ABCA5: variants seen among roughly 807,000 people sequenced by gnomAD.
The protein encoded by ABCA5 is ATP binding cassette subfamily A member 5.
ABCA5 carries 163 observed loss-of-function variants against 206.0 expected under a neutral mutation model. The observed-to-expected ratio is 0.79, with a 90% CI of 0.70 to 0.90. ABCA5 has a LOEUF of 0.90. Among genes scored for constraint, ABCA5 ranks in the 40% least tolerant of loss-of-function variants. The probability of loss-of-function intolerance (pLI) is 0.00; values close to 1 mark genes in which losing one functional copy is unlikely to be tolerated. For missense variants in ABCA5, 1,859 were observed against 1,912.9 expected (o/e 0.97, Z 0.53); for synonymous variants, 609 against 613.8 (o/e 0.99, Z 0.11).
intron 3 of ABCA5, among the ~76,000 whole-genome samples, chr17:69,311,412 T>A (rs377563591): frequency 6.6e-6 from 1 of 152,154 alleles, no homozygotes; most frequent in Non-Finnish European, 1.5e-5. Flanking sequence ...TCTAAAAAAA[T>A]TTGTGTATAT....
chr17:69,251,966 AAACTTACC>A (rs771305133), intron 34 of ABCA5, 100 bp from the exon 35 acceptor site: 16 of 1,305,152 alleles, frequency 1.2e-5, no homozygotes, highest in Non-Finnish European at 1.7e-5. Flanking sequence ...AAGTTAATTA[AAACTTACC>A]AAATATCAAT....
At chr17:69,291,158 T>C in intron 12 of ABCA5, 58 bp downstream of exon 12, 1 of 1,139,190 alleles carries the variant, frequency 8.8e-7, no homozygotes, top group East Asian at 2.8e-5. Context: ...AATTATTCAA[T>C]ACACATTTAA....
rs780208867 is a variant in ABCA5, at chr17:69,255,786, G to A, written c.3923C>T (p.Ser1308Leu). The change falls in exon 30 of 39, where the codon TCA becomes TTA. Residue 1308 changes from serine (S) to leucine (L), a missense_variant. Coordinates refer to ENST00000392676, the MANE Select transcript of ABCA5 (RefSeq NM_172232.4). The part of the protein sequence containing the change: ...EYDDKKDFLL[S>L]RKVKKVATKY... The stretch of plus-strand genomic sequence containing the variant: ...AGTTGCCACTTTCTTTACTTTTCTT[G>A]AAAGAAGAAAATCTTTCTTGTCATC... The A allele has an allele frequency of 1.3e-6, 2 of 1,597,226 alleles. No homozygotes were observed. The highest frequency in any genetic ancestry group is 1.8e-5 in the Admixed American group (1 of 56,468).
At chr17:69,273,167 T>C (rs941494920) in intron 20 of ABCA5, among the ~76,000 whole-genome samples, 1 of 152,088 alleles carries the variant, frequency 6.6e-6, no homozygotes, top group Non-Finnish European at 1.5e-5. Flanking sequence ...AAAATATCCA[T>C]TACAAATCTA....
intron 18 of ABCA5, among the ~76,000 whole-genome samples, chr17:69,279,109 G>A (rs1397418462): frequency 6.6e-6 from 1 of 151,470 alleles, no homozygotes; most frequent in Non-Finnish European, 1.5e-5. Context: ...CCTGTTTGCA[G>A]ATGACATGAT....
chr17:69,260,757 T>C (rs2075137680), intron 26 of ABCA5, among the ~76,000 whole-genome samples: 1 of 151,892 alleles, frequency 6.6e-6, no homozygotes, highest in Non-Finnish European at 1.5e-5. Flanking sequence ...CAATCTGGTT[T>C]TTGTCTCTAT....
At chr17:69,279,099 CCT>C (rs1361280168) in intron 18 of ABCA5, among the ~76,000 whole-genome samples, 1 of 151,726 alleles carries the variant, frequency 6.6e-6, no homozygotes, top group African/African-American at 2.4e-5. Flanking sequence ...TCAAATTGTC[CCT>C]GTTTGCAGAT....
chr17:69,315,228 A>C (rs1302841269), intron 1 of ABCA5: 1 of 152,274 alleles, frequency 6.6e-6, no homozygotes, highest in East Asian at 1.9e-4. Context: ...AGGCTTGAGA[A>C]ACTGAACTAA....
intron 32 of ABCA5, 145 bp downstream of exon 32, chr17:69,254,170 T>C: frequency 1.5e-6 from 1 of 689,314 alleles, no homozygotes; most frequent in Non-Finnish European, 2.3e-6. Flanking sequence ...TATATTTTCA[T>C]ATATCATAAA....
intron 11 of ABCA5, 96 bp downstream of exon 11, chr17:69,294,559 C>A: frequency 9.5e-7 from 1 of 1,056,770 alleles, no homozygotes. Context: ...GACAGAAAAT[C>A]ATGGTAGAGA....
In ABCA5 at chr17:69,294,695, C is replaced by A. The variant is rs1181727734; in HGVS notation, c.1455G>T (p.Lys485Asn). 1 of 1,604,010 alleles carries A rather than the reference C, an allele frequency of 6.2e-7. No homozygotes were observed. The highest frequency in any genetic ancestry group is 8.5e-7 in the Non-Finnish European group (1 of 1,173,058). The change falls in exon 11 of 39, where the codon AAG (lysine) becomes AAT (asparagine). Residue 485 changes from lysine to asparagine, a missense_variant. Physicochemically the swap from Lys to Asn is moderately conservative, Grantham distance 94. Transcript: ENST00000392676. ...CATTTTCACCCTTCTTTCTGTATGTCTTCTGAATACCACTAATTCTGAAAT... is the reference window on the plus strand; with the variant it reads ...CATTTTCACCCTTCTTTCTGTATGTATTCTGAATACCACTAATTCTGAAAT... The part of the protein sequence containing the change: ...KEAIRISGIQ[K>N]TYRKKGENVE...
chr17:69,249,661 A>G (rs1278223174), intron 37 of ABCA5: 4 of 446,512 alleles, frequency 9.0e-6, no homozygotes, highest in Admixed American at 4.1e-5. Flanking sequence ...AATCCCTATG[A>G]CATTAGTGTT....
intron 1 of ABCA5, among the ~76,000 whole-genome samples, chr17:69,320,482 T>C (rs2075854861): frequency 6.6e-6 from 1 of 152,156 alleles, no homozygotes; most frequent in African/African-American, 2.4e-5. Context: ...TCTAATCATA[T>C]GAAAATATTA....
At position 69,268,073 on chromosome 17, in the gene ABCA5, G is replaced by T; in HGVS notation, c.3031-17C>A. ...AGTAATTTCCTGAAAGACAACCACA[G>T]AGTAACAAATGGAACTGAGAATCAT... On this transcript the variant is annotated splice_polypyrimidine_tract_variant and intron_variant, in intron 22 of 38. Coordinates refer to ENST00000392676, the MANE Select transcript of ABCA5 (RefSeq NM_172232.4). 8.3e-7 allele frequency: 1 copy of T among 1,199,082 alleles called. No homozygotes were observed. The highest frequency in any genetic ancestry group is 2.3e-5 in the East Asian group (1 of 42,604). The allele number at this position is 1,199,082 out of a possible 1,614,324, so 74.3% of individuals were successfully genotyped here.
rs749538259 is a variant in ABCA5, at chr17:69,273,974, G to T, written c.2749C>A (p.Leu917Ile). The part of the protein sequence containing the change: ...KPHKYKTSLL[L>I]QNSADSDISD... ...ACACTCTCACCAGCAGAATTTTGAA[G>T]AAGCAGACTTGTTTTGTATTTATGT... The change falls in exon 20 of 39, where the codon CTT becomes ATT. Residue 917 changes from leucine (L) to isoleucine (I), a missense_variant. By Grantham distance (5) the Leu-to-Ile change is conservative (BLOSUM62 2). Transcript: ENST00000392676. 1.9e-6 allele frequency: 3 copies of T among 1,602,952 alleles called. No homozygotes were observed. Among genetic ancestry groups the T allele is most frequent in the Non-Finnish European group, 2.5e-6 (3 of 1,176,874 alleles).
chr17:69,314,118 A>T (rs538745105), intron 2 of ABCA5, among the ~76,000 whole-genome samples, 196 bp downstream of exon 2: 1 of 152,196 alleles, frequency 6.6e-6, no homozygotes, highest in Non-Finnish European at 1.5e-5. Flanking sequence ...ATTATTATTA[A>T]AATTTTTAAC....
At chr17:69,307,531 C>T (rs1198793009) in intron 5 of ABCA5, among the ~76,000 whole-genome samples, 3 of 151,918 alleles carry the variant, frequency 2.0e-5, no homozygotes, top group Non-Finnish European at 4.4e-5. Flanking sequence ...AAACTTTGGC[C>T]AAAATACAAA....
intron 3 of ABCA5, among the ~76,000 whole-genome samples, chr17:69,311,597 C>A (rs2075770667): frequency 6.6e-6 from 1 of 152,262 alleles, no homozygotes; most frequent in African/African-American, 2.4e-5. Flanking sequence ...TCAAGCAATT[C>A]TCCTGCCTCA....
chr17:69,302,782 G>A lies in ABCA5; in HGVS notation c.1055C>T (p.Pro352Leu), dbSNP rs1214555240. Residue 352 changes from proline to leucine, a missense_variant, in exon 8 of 39, where the codon CCC (proline) becomes CTC (leucine). Pro to Leu is a moderately conservative substitution (Grantham distance 98, BLOSUM62 -3). Transcript: ENST00000392676. ...GLMIILIESF[P>L]KSLVWLFSPF... Reference sequence around the variant, plus strand: ...ACTGAAAAGCCACACTAACGATTTGGGAAAACTTTCTATGAGGATTATCAT... The same window carrying A: ...ACTGAAAAGCCACACTAACGATTTGAGAAAACTTTCTATGAGGATTATCAT... 5 of 1,599,324 alleles carry A rather than the reference G, an allele frequency of 3.1e-6. No homozygotes were observed. The African/African-American group carries it at 6.8e-5, about 22-fold the overall frequency.
Sources: gnomAD v4.1 joint callset for allele counts (sites outside exome capture counted in the v4.1 genomes callset) on GRCh38, gnomAD v4.1.1 for gene constraint, MANE v1.5 for transcripts, NCBI Gene and HGNC (gene_info 2026-07-23, HGNC 2026-07-21) for gene names.